The following P2RY12 variants were observed in gnomAD, a reference collection of about 807,000 sequenced individuals.
The protein encoded by P2RY12 is P2Y purinoceptor 12.
Under a neutral mutation model 4.5 loss-of-function variants are expected in P2RY12, and 3 were observed. The ratio of observed to expected loss-of-function variants is 0.67; its 90% confidence interval spans 0.31 to 1.74. The LOEUF (loss-of-function observed/expected upper bound fraction) is 1.74. P2RY12 is among the 40% of genes most tolerant of loss of function. P2RY12 has a pLI of 0.09. For synonymous variants in P2RY12, 148 were observed against 154.1 expected, an observed-to-expected ratio of 0.96 and a Z score of 0.29; for missense variants, 356 against 407.8, an observed-to-expected ratio of 0.87 and a Z score of 1.09.
At chr3:151,350,244 C>T in intron 1 of P2RY12, 1 of 1,601,048 alleles carries the variant, frequency 6.2e-7, no homozygotes, top group Admixed American at 1.7e-5. Context: ...ATTGTGTTGC[C>T]TTTTGCCTTC....
chr3:151,380,843 A>G (rs1247896475), intron 1 of P2RY12, among the ~76,000 whole-genome samples: 8 of 152,216 alleles, frequency 5.3e-5, no homozygotes, highest in Admixed American at 4.6e-4. Context: ...GGAGCAATCT[A>G]TGCTGCAGTA....
intron 1 of P2RY12, among the ~76,000 whole-genome samples, chr3:151,376,382 C>A (rs969229432): frequency 2.6e-5 from 4 of 152,114 alleles, no homozygotes; most frequent in Non-Finnish European, 4.4e-5. Flanking sequence ...GGTGGATGTA[C>A]ATGCTGCAAA....
intron 1 of P2RY12, among the ~76,000 whole-genome samples, chr3:151,371,638 T>G (rs978339801): frequency 6.6e-6 from 1 of 152,242 alleles, no homozygotes; most frequent in Non-Finnish European, 1.5e-5. Flanking sequence ...GGGCATTGTT[T>G]TGCCCACTTG....
intron 1 of P2RY12, chr3:151,366,052 A>T: frequency 7.5e-7 from 1 of 1,338,628 alleles, no homozygotes; most frequent in South Asian, 2.1e-5. Flanking sequence ...TTAGTGGGTA[A>T]TCTTTTTGCT....
At chr3:151,340,444 ACTT>A (rs1202352492) in intron 2 of P2RY12, among the ~76,000 whole-genome samples, 149 bp downstream of exon 2, 7 of 152,174 alleles carry the variant, frequency 4.6e-5, no homozygotes, top group Non-Finnish European at 8.8e-5. Flanking sequence ...CACTAATTAG[ACTT>A]CTATTTTAAT....
At chr3:151,348,340 CAAAAAAAAAAAAAAA>C (rs11382065) in intron 1 of P2RY12, among the ~76,000 whole-genome samples, 1 of 87,804 alleles carries the variant, frequency 1.1e-5, no homozygotes, top group Admixed American at 1.4e-4. Flanking sequence ...ACCACCAGAC[CAAAAAAAAAAAAAAA>C]AAAAAAAAGA....
chr3:151,362,990 T>G (rs1283905374), intron 1 of P2RY12, among the ~76,000 whole-genome samples: 2 of 152,168 alleles, frequency 1.3e-5, no homozygotes, highest in Admixed American at 1.3e-4. Context: ...GCCGTTTTTT[T>G]AATAGTGAAC....
intron 1 of P2RY12, among the ~76,000 whole-genome samples, chr3:151,382,942 A>G (rs778083392): frequency 6.6e-6 from 1 of 152,142 alleles, no homozygotes; most frequent in Non-Finnish European, 1.5e-5. Context: ...TCAGACATCT[A>G]GACAGTGCTA....
chr3:151,356,624 T>G (rs1049546121), intron 1 of P2RY12, among the ~76,000 whole-genome samples: 1 of 150,136 alleles, frequency 6.7e-6, no homozygotes, highest in Admixed American at 6.7e-5. Context: ...GTTTCTTCTG[T>G]TTTTTTTTGT....
chr3:151,360,358 C>T lies in P2RY12; in HGVS notation c.-179-19598G>A, dbSNP rs560690962. 7.9e-6 allele frequency: 7 copies of T among 889,066 alleles called. No individual in the cohort carries two copies. In the African/African-American group the frequency reaches 1.2e-4, roughly 15 times the overall value. 55.1% of individuals were successfully genotyped at this position (889,066 alleles called of 1,614,324 possible). A position where few individuals can be genotyped will look rare whatever the true frequency, so the allele number is the denominator to read the frequency against. On this transcript the variant is annotated intron_variant, in intron 1 of 2. Transcript: ENST00000302632. The stretch of plus-strand genomic sequence containing the variant: ...TTACTATTCTATTTATTAGTTTCAA[C>T]AATCCAATATCCTTTTTCTTACCCA...
chr3:151,339,291 T>G (rs1030557430), intron 2 of P2RY12, among the ~76,000 whole-genome samples: 4 of 152,090 alleles, frequency 2.6e-5, no homozygotes, highest in African/African-American at 4.8e-5. Context: ...TTTCTGAGCT[T>G]CTTTTACTGT....
rs1021199874 is a variant in P2RY12, at chr3:151,357,105, A to C, written c.-179-16345T>G. ...ATTTTAAAAAAGTTAAATTTAGGGA[A>C]TGTATTTGTAGTGTAATGACTCAGT... On this transcript the variant is annotated intron_variant, in intron 1 of 2. Transcript: ENST00000302632. 28 of 903,052 alleles carry C rather than the reference A, an allele frequency of 3.1e-5. No homozygotes were observed. In the African/African-American group the frequency reaches 4.2e-4, roughly 14 times the overall value. The allele number at this position is 903,052 out of a possible 1,614,324, so 55.9% of individuals were successfully genotyped here.
intron 1 of P2RY12, among the ~76,000 whole-genome samples, chr3:151,351,381 T>C (rs989097739): frequency 6.6e-6 from 1 of 152,216 alleles, no homozygotes; most frequent in East Asian, 1.9e-4. Flanking sequence ...CTTCCTGTTA[T>C]TCACATCACC....
chr3:151,350,066 C>T, intron 1 of P2RY12: 1 of 1,608,938 alleles, frequency 6.2e-7, no homozygotes, highest in Non-Finnish European at 8.5e-7. Flanking sequence ...CAGGATGAAT[C>T]TTCAAGTCAT....
chr3:151,368,417 C>T (rs1406916956), intron 1 of P2RY12, among the ~76,000 whole-genome samples: 1 of 151,996 alleles, frequency 6.6e-6, no homozygotes, highest in Non-Finnish European at 1.5e-5. Context: ...GCTGTCAGCA[C>T]CTTTTATCTG....
chr3:151,338,003 C>T lies in P2RY12; in HGVS notation c.843G>A (p.Glu281=), dbSNP rs764045061. ...TAENTLFYVK[E]STLWLTSLNA... is the part of the protein sequence containing the mutation. ...TTAAGGAAGTTAACCACAGAGTGCT[C>T]TCTTTCACATAGAACAGAGTATTTT... Residue 281 remains glutamate (E), a synonymous_variant, in exon 3 of 3, where the codon GAG becomes GAA. Coordinates refer to ENST00000302632, the MANE Select transcript of P2RY12 (RefSeq NM_022788.5). 8 of 1,613,994 alleles carry T rather than the reference C, an allele frequency of 5.0e-6. No homozygotes were observed. In the East Asian group the frequency reaches 1.3e-4, roughly 27 times the overall value.
chr3:151,379,524 G>C (rs986355008), intron 1 of P2RY12, among the ~76,000 whole-genome samples: 1 of 152,228 alleles, frequency 6.6e-6, no homozygotes, highest in African/African-American at 2.4e-5. Context: ...CTATGTTGGA[G>C]CCTGTGGGCT....
intron 1 of P2RY12, among the ~76,000 whole-genome samples, chr3:151,341,377 C>G (rs1013262531): frequency 6.6e-6 from 1 of 151,904 alleles, no homozygotes; most frequent in African/African-American, 2.4e-5. Context: ...TCATGCTTTT[C>G]TTGAATAGAA....
chr3:151,342,205 G>A (rs1351516924), intron 1 of P2RY12, among the ~76,000 whole-genome samples: 38 of 152,158 alleles, frequency 2.5e-4, no homozygotes, highest in Non-Finnish European at 1.5e-5. Flanking sequence ...CAGTGTAAAA[G>A]TGTTCCTATT....
Sources: gnomAD v4.1 joint callset for allele counts (sites outside exome capture counted in the v4.1 genomes callset) on GRCh38, gnomAD v4.1.1 for gene constraint, MANE v1.5 for transcripts, NCBI Gene and HGNC (gene_info 2026-07-23, HGNC 2026-07-21) for gene names.